The following MYOM2 variants were observed in gnomAD, a reference collection of about 807,000 sequenced individuals.
The protein encoded by MYOM2 is myomesin-2.
A neutral mutation model predicts 187.6 loss-of-function variants in MYOM2; 254 were observed. The ratio of observed to expected loss-of-function variants is 1.35; its 90% confidence interval spans 1.22 to 1.50. The LOEUF (loss-of-function observed/expected upper bound fraction) is 1.50, where lower values mean the gene tolerates loss of function less well. Ranked by LOEUF, MYOM2 falls within the 40% of genes most tolerant of loss-of-function variation. The pLI is 0.00. For missense variants in MYOM2, 2,796 were observed against 1,924.0 expected (o/e 1.45, Z -8.48); for synonymous variants, 981 against 753.8 (o/e 1.30, Z -4.94).
chr8:2,046,092 G>T lies in MYOM2; in HGVS notation c.-13+924G>T, dbSNP rs6996272. ...CACTTGTGGCACAGGCCAACGCTGC[G>T]TGTCTGGGAGTCCCTTTCCCCTCTA... On this transcript the variant is annotated intron_variant, in intron 1 of 36. Transcript: ENST00000262113. 2.9e-3 allele frequency among the ~76,000 whole-genome samples: 444 copies of T among 152,342 alleles called. 2 individuals are homozygous for T. Among genetic ancestry groups the T allele is most frequent in the African/African-American group, 0.01 (428 of 41,580 alleles).
At position 2,069,330 on chromosome 8, in the gene MYOM2, G is replaced by A. The variant is rs149104727; in HGVS notation, c.706G>A (p.Gly236Arg). 3.1e-5 allele frequency: 50 copies of A among 1,613,796 alleles called. No homozygotes were observed. In the East Asian group the frequency reaches 4.0e-4, roughly 13 times the overall value. ...CTCAGCAGTGGCCACCAATGCCCAC[G>A]GACAAGTGTCCACCAACGCGGCGGT... ...TYSAVATNAHGQVSTNAAVVV... is the reference protein window; with the variant it reads ...TYSAVATNAHRQVSTNAAVVV... Residue 236 changes from glycine (G) to arginine (R), a missense_variant, in exon 7 of 37, where the codon GGA (glycine) becomes AGA (arginine). Transcript: ENST00000262113.
At chr8:2,114,631 G>A (rs1797176840) in intron 25 of MYOM2, among the ~76,000 whole-genome samples, 1 of 152,158 alleles carries the variant, frequency 6.6e-6, no homozygotes, top group South Asian at 2.1e-4. Flanking sequence ...CACCACACCT[G>A]GCTAATTCTT....
chr8:2,060,572 C>G (rs961861710), intron 6 of MYOM2, among the ~76,000 whole-genome samples: 2 of 152,102 alleles, frequency 1.3e-5, no homozygotes, highest in Admixed American at 6.6e-5. Context: ...TTTATTCTGA[C>G]TAAACTGTAA....
At chr8:2,142,742 C>CCT (rs1159227130) in intron 35 of MYOM2, among the ~76,000 whole-genome samples, 3 of 2,488 alleles carry the variant, frequency 1.2e-3, no homozygotes, top group African/African-American at 3.4e-3. Context: ...TCCTCCCTTC[C>CCT]TCCCCTCCCT....
Position 2,089,994 on chromosome 8 carries a change from G to A in MYOM2, c.1645-14G>A. On this transcript the variant is annotated splice_polypyrimidine_tract_variant and intron_variant, in intron 14 of 36. Transcript: ENST00000262113. ...GGTTTTCACTGCCAGTCTCGTTTCT[G>A]TTTCTCTTTGTAGTCCGTGGTGGGG... The A allele has an allele frequency of 6.2e-7, 1 of 1,612,704 alleles. No individual in the cohort carries two copies. The highest frequency in any genetic ancestry group is 8.5e-7 in the Non-Finnish European group (1 of 1,179,138).
chr8:2,101,474 G>T (rs748683119), intron 20 of MYOM2, among the ~76,000 whole-genome samples: 1 of 152,232 alleles, frequency 6.6e-6, no homozygotes, highest in Admixed American at 6.5e-5. Flanking sequence ...CCAGCACCGA[G>T]CCCCGAGGTG....
chr8:2,123,033 C>T (rs989220715), intron 28 of MYOM2, among the ~76,000 whole-genome samples: 1 of 152,130 alleles, frequency 6.6e-6, no homozygotes, highest in African/African-American at 2.4e-5. Flanking sequence ...CTTCTGTGAG[C>T]AACTGTGAGG....
At chr8:2,057,288 G>T (rs752819504) in intron 3 of MYOM2, 60 bp from the exon 4 acceptor site, 188 of 1,548,254 alleles carry the variant, frequency 1.2e-4, no homozygotes, top group Non-Finnish European at 1.5e-4. Flanking sequence ...TCCGGCCTTC[G>T]GGGGCCACGT....
intron 1 of MYOM2, among the ~76,000 whole-genome samples, chr8:2,047,388 G>C (rs1176299349): frequency 6.6e-6 from 1 of 152,174 alleles, no homozygotes; most frequent in African/African-American, 2.4e-5. Flanking sequence ...GGGTGGGTGA[G>C]GCTGGACGTG....
At chr8:2,119,110 G>C (rs1254914152) in intron 28 of MYOM2, 1 of 152,362 alleles carries the variant, frequency 6.6e-6, no homozygotes, top group African/African-American at 2.4e-5. Flanking sequence ...GGAATGGTCA[G>C]TAAGGCATAA....
At chr8:2,102,221 T>C (rs985503186) in intron 20 of MYOM2, 2 of 154,686 alleles carry the variant, frequency 1.3e-5, no homozygotes, top group African/African-American at 4.8e-5. Context: ...AGTAAATATA[T>C]ATAGATGTTT....
At chr8:2,105,747 C>T (rs1309191962) in intron 21 of MYOM2, among the ~76,000 whole-genome samples, 2 of 152,184 alleles carry the variant, frequency 1.3e-5, no homozygotes, top group Non-Finnish European at 2.9e-5. Flanking sequence ...TTCTCTCTCA[C>T]GATTCTCTCA....
At chr8:2,144,462 G>C (rs1296692353) in intron 36 of MYOM2, among the ~76,000 whole-genome samples, 2 of 152,198 alleles carry the variant, frequency 1.3e-5, no homozygotes, top group Non-Finnish European at 2.9e-5. Context: ...GAGCTCGCCT[G>C]TGAAGTGGTG....
chr8:2,108,793 G>A lies in MYOM2; in HGVS notation c.3006G>A (p.Glu1002=), dbSNP rs944712275. Residue 1002 remains glutamate, a synonymous_variant, in exon 24 of 37, where the codon GAG becomes GAA. Transcript: ENST00000262113. ...SSFVLDPEEL[E]RLMALSNEIK... ...ACTTTTTCTTCGTTTTAGAGCTCGA[G>A]CGTTTGATGGCATTGAGCAATGAAA... The A allele has an allele frequency of 1.9e-6, 3 of 1,613,816 alleles. No individual in the cohort carries two copies. The highest frequency in any genetic ancestry group is 2.5e-6 in the Non-Finnish European group (3 of 1,179,910).
chr8:2,086,403 TCTGCGTGGCCTC>T (rs1796060029), intron 14 of MYOM2, among the ~76,000 whole-genome samples: 1 of 138,534 alleles, frequency 7.2e-6, no homozygotes, highest in African/African-American at 3.0e-5. Flanking sequence ...TGTTGTGATC[TCTGCGTGGCCTC>T]CCACTGTTGT....
chr8:2,062,680 T>C (rs1037426439), intron 6 of MYOM2, among the ~76,000 whole-genome samples: 2 of 152,130 alleles, frequency 1.3e-5, no homozygotes, highest in African/African-American at 4.8e-5. Flanking sequence ...GGCCGTCATG[T>C]CTAGAAAGAG....
intron 6 of MYOM2, 115 bp downstream of exon 6, chr8:2,059,360 C>T (rs769604372): frequency 5.8e-5 from 47 of 803,756 alleles, no homozygotes; most frequent in Non-Finnish European, 7.6e-5. Flanking sequence ...GTTTGCACCC[C>T]GGGTGACTTT....
At chr8:2,120,461 G>A (rs1422505222) in intron 28 of MYOM2, among the ~76,000 whole-genome samples, 14 of 150,862 alleles carry the variant, frequency 9.3e-5, no homozygotes, top group Admixed American at 9.3e-4. Context: ...GTGGAGCAGA[G>A]GTCTGCAGTG....
At chr8:2,124,470 A>G (rs545975323) in intron 31 of MYOM2, among the ~76,000 whole-genome samples, 1 of 152,332 alleles carries the variant, frequency 6.6e-6, no homozygotes, top group African/African-American at 2.4e-5. Flanking sequence ...CACTTCTTCC[A>G]TCCTGTCTTA....
Sources: gnomAD v4.1 joint callset for allele counts (sites outside exome capture counted in the v4.1 genomes callset) on GRCh38, gnomAD v4.1.1 for gene constraint, MANE v1.5 for transcripts, NCBI Gene and HGNC (gene_info 2026-07-23, HGNC 2026-07-21) for gene names.